Variants in SPTLC3 observed in about 807,000 individuals in gnomAD.
The protein encoded by SPTLC3 is serine palmitoyltransferase 3.
In SPTLC3, 36 loss-of-function variants were observed where a neutral mutation model predicts 59.3. The observed-to-expected ratio is 0.61, with a 90% confidence interval of 0.47 to 0.80. The LOEUF is 0.80. SPTLC3 is among the 30% of genes least tolerant of loss of function. SPTLC3 has a pLI of 0.00. For missense variants in SPTLC3, 625 were observed against 685.1 expected, an observed-to-expected ratio of 0.91 and a Z score of 0.98; for synonymous variants, 257 against 240.8, an observed-to-expected ratio of 1.07 and a Z score of -0.62.
chr20:13,153,570 T>G (rs1413659855), intron 9 of SPTLC3, among the ~76,000 whole-genome samples: 1 of 152,150 alleles, frequency 6.6e-6, no homozygotes, highest in Non-Finnish European at 1.5e-5. Flanking sequence ...GACAATTTAA[T>G]GAGCCAATTC....
intron 9 of SPTLC3, among the ~76,000 whole-genome samples, chr20:13,147,206 T>C (rs565672490): frequency 1.3e-5 from 2 of 152,120 alleles, no homozygotes; most frequent in Non-Finnish European, 2.9e-5. Context: ...TATGTGACTA[T>C]AAAACATGCT....
At chr20:13,101,587 G>A (rs918229284) in intron 6 of SPTLC3, among the ~76,000 whole-genome samples, 3 of 152,198 alleles carry the variant, frequency 2.0e-5, no homozygotes, top group African/African-American at 7.2e-5. Context: ...CCATTCTCCA[G>A]CCATTTCACG....
chr20:13,119,658 C>G (rs1458882703), intron 8 of SPTLC3, among the ~76,000 whole-genome samples: 7 of 151,856 alleles, frequency 4.6e-5, no homozygotes, highest in Admixed American at 4.6e-4. Context: ...TCTCTGTCTT[C>G]TCTTCCCTTC....
intron 2 of SPTLC3, among the ~76,000 whole-genome samples, chr20:13,059,489 C>T (rs574695169): frequency 6.6e-6 from 1 of 152,306 alleles, no homozygotes; most frequent in South Asian, 2.1e-4. Flanking sequence ...GCAGCGCCAT[C>T]CCTTGAAACC....
chr20:13,092,754 A>G (rs1317393361), intron 5 of SPTLC3, among the ~76,000 whole-genome samples: 1 of 152,220 alleles, frequency 6.6e-6, no homozygotes, highest in Non-Finnish European at 1.5e-5. Context: ...GTGAAACTAC[A>G]GAAATATAAT....
chr20:13,133,761 G>C (rs1386268125), intron 9 of SPTLC3, among the ~76,000 whole-genome samples: 2 of 152,012 alleles, frequency 1.3e-5, no homozygotes, highest in Non-Finnish European at 2.9e-5. Flanking sequence ...GTTTATTTAG[G>C]GGAACTTACG....
chr20:13,033,338 G>A (rs1413777078), intron 1 of SPTLC3, among the ~76,000 whole-genome samples: 2 of 152,150 alleles, frequency 1.3e-5, no homozygotes, highest in African/African-American at 4.8e-5. Flanking sequence ...GTAGTGATAA[G>A]AAGTAGGGTT....
At chr20:13,057,125 T>C (rs1987763417) in intron 2 of SPTLC3, among the ~76,000 whole-genome samples, 1 of 152,226 alleles carries the variant, frequency 6.6e-6, no homozygotes, top group South Asian at 2.1e-4. Context: ...ATGCACATTT[T>C]GAATTCTCTT....
At position 13,072,313 on chromosome 20, in the gene SPTLC3, C is replaced by A. The variant is rs755161889; in HGVS notation, c.361C>A (p.Arg121=). ...TTTTTATACAAGAAACCTTTACATG[C>A]GAATCAGAGACAACTGGAACCGGCC... ...ENFYTRNLYM[R]IRDNWNRPIC... is the part of the protein sequence containing the mutation. Residue 121 remains arginine, a synonymous_variant, in exon 3 of 12, where the codon CGA becomes AGA. Coordinates refer to ENST00000399002, the MANE Select transcript of SPTLC3 (RefSeq NM_018327.4). 3 of 1,613,632 alleles carry A rather than the reference C, an allele frequency of 1.9e-6. No individual in the cohort carries two copies. The highest frequency in any genetic ancestry group is 1.3e-5 in the African/African-American group (1 of 74,874).
intron 1 of SPTLC3, among the ~76,000 whole-genome samples, chr20:13,015,047 G>T (rs1387282388): frequency 2.0e-5 from 3 of 152,112 alleles, no homozygotes. Flanking sequence ...ATCAGATACG[G>T]TTTCTCCCAA....
At chr20:13,130,155 C>T (rs1306481904) in intron 9 of SPTLC3, among the ~76,000 whole-genome samples, 1 of 152,218 alleles carries the variant, frequency 6.6e-6, no homozygotes, top group South Asian at 2.1e-4. Context: ...TCACACTGGC[C>T]TCATTTGCAA....
intron 2 of SPTLC3, among the ~76,000 whole-genome samples, chr20:13,071,698 T>C (rs992520881): frequency 6.6e-6 from 1 of 152,166 alleles, no homozygotes; most frequent in African/African-American, 2.4e-5. Flanking sequence ...ATCCCTTTGG[T>C]CATGGATTAC....
rs532897925 is a variant in SPTLC3, at chr20:13,043,485, G to T, written c.118-5460G>T. On this transcript the variant is annotated intron_variant, in intron 1 of 11. Transcript: ENST00000399002. ...GCAGCATTAAGTTGGTTTTAGATTT[G>T]CTCATCCTTTTGTATCATACCCTAA... Among the ~76,000 whole-genome samples, 8 of 152,294 alleles carry T rather than the reference G, an allele frequency of 5.3e-5. No individual in the cohort carries two copies. The South Asian group carries it at 1.7e-3, about 32-fold the overall frequency.
chr20:13,163,143 G>A (rs561853014), intron 11 of SPTLC3, among the ~76,000 whole-genome samples: 28 of 152,146 alleles, frequency 1.8e-4, no homozygotes, highest in African/African-American at 5.8e-4. Context: ...TGAGGTGGGC[G>A]GATGACCTGA....
chr20:13,159,946 ATT>A lies in SPTLC3; in HGVS notation c.1416-54_1416-53del. The A allele has an allele frequency of 2.8e-6, 4 of 1,449,120 alleles. No individual in the cohort carries two copies. The South Asian group carries it at 4.8e-5, about 18-fold the overall frequency. 89.8% of individuals were successfully genotyped at this position (1,449,120 alleles called of 1,614,324 possible). A position where few individuals can be genotyped will look rare whatever the true frequency, so the allele number is the denominator to read the frequency against. ...GCCATATTCCTTTTTTGTCAGGATAATTTTGTCTTTTCCCAACTAACCACTTT... is the reference window on the plus strand; with the variant it reads ...GCCATATTCCTTTTTTGTCAGGATAATTGTCTTTTCCCAACTAACCACTTT... On this transcript the variant is annotated intron_variant, in intron 10 of 11. Transcript: ENST00000399002.
chr20:13,130,527 C>T (rs1193827947), intron 9 of SPTLC3, among the ~76,000 whole-genome samples: 3 of 152,214 alleles, frequency 2.0e-5, no homozygotes, highest in Non-Finnish European at 4.4e-5. Flanking sequence ...CCTTTGATGC[C>T]AAGGTTCAAA....
chr20:13,036,018 AT>A (rs1280711282), intron 1 of SPTLC3, among the ~76,000 whole-genome samples: 1 of 152,094 alleles, frequency 6.6e-6, no homozygotes, highest in East Asian at 1.9e-4. Context: ...GTCATATCTA[AT>A]TGACATTCCA....
At chr20:13,093,933 T>G (rs1286866621) in intron 6 of SPTLC3, among the ~76,000 whole-genome samples, 1 of 152,160 alleles carries the variant, frequency 6.6e-6, no homozygotes, top group Non-Finnish European at 1.5e-5. Context: ...GACTTAAGTT[T>G]TGTGTTAAGG....
chr20:13,110,294 CTA>C, intron 7 of SPTLC3, 77 bp downstream of exon 7: 1 of 1,207,616 alleles, frequency 8.3e-7, no homozygotes, highest in Non-Finnish European at 1.2e-6. Flanking sequence ...CTCACCTTTC[CTA>C]GCTAAACAGA....
Sources: allele counts gnomAD v4.1 joint callset (sites outside exome capture counted in the v4.1 genomes callset), GRCh38; gene constraint gnomAD v4.1.1; transcripts MANE v1.5; gene names NCBI Gene and HGNC (gene_info 2026-07-23, HGNC 2026-07-21).